Variants in DPYD observed in about 807,000 individuals in gnomAD.
DPYD encodes the protein dihydropyrimidine dehydrogenase, also known as dihydropyrimidine dehydrogenase [NADP(+)].
Under a neutral mutation model 116.2 loss-of-function variants are expected in DPYD, and 109 were observed. The observed-to-expected ratio is 0.94, with a 90% CI of 0.80 to 1.10. The LOEUF (loss-of-function observed/expected upper bound fraction) is 1.10, where lower values mean the gene tolerates loss of function less well. DPYD is among the 50% of genes least tolerant of loss of function. The pLI is 0.00. For missense variants in DPYD, 1,302 were observed against 1,254.5 expected, an observed-to-expected ratio of 1.04 and a Z score of -0.57; for synonymous variants, 440 against 432.0, an observed-to-expected ratio of 1.02 and a Z score of -0.23.
intron 16 of DPYD, among the ~76,000 whole-genome samples, chr1:97,349,236 C>G: frequency 6.6e-6 from 1 of 151,426 alleles, no homozygotes; most frequent in Admixed American, 6.6e-5. Flanking sequence ...ATAAAATAAG[C>G]TCTCAAAAAT....
chr1:97,159,610 G>C (rs985041437), intron 20 of DPYD, among the ~76,000 whole-genome samples: 32 of 151,938 alleles, frequency 2.1e-4, no homozygotes, highest in African/African-American at 6.5e-4. Flanking sequence ...GCTTAAGGTA[G>C]ATAAATAAAG....
chr1:97,920,799 G>GGGCC lies in DPYD; in HGVS notation c.39+81_39+84dup, dbSNP rs566061811. 7.1e-5 allele frequency: 109 copies of GGGCC among 1,527,184 alleles called. 1 individual carries two copies. In the South Asian group the frequency reaches 1.2e-3, roughly 17 times the overall value. 94.6% of individuals were successfully genotyped at this position (1,527,184 alleles called of 1,614,324 possible). A position where few individuals can be genotyped will look rare whatever the true frequency, so the allele number is the denominator to read the frequency against. ...GCGTCTCTCACTCTCCGGGGTGCGG[G>GGGCC]GGCCGCGGGGGCCTCCCCGGCACCT... is the stretch of plus-strand genomic sequence containing the variant. On this transcript the variant is annotated intron_variant, in intron 1 of 22. Transcript: ENST00000370192.
intron 14 of DPYD, among the ~76,000 whole-genome samples, chr1:97,398,299 G>A (rs576978427): frequency 5.7e-4 from 87 of 152,120 alleles, no homozygotes; most frequent in Non-Finnish European, 1.1e-3. Context: ...TGGCTGCATA[G>A]TATTGCATGG....
intron 7 of DPYD, among the ~76,000 whole-genome samples, chr1:97,683,054 T>G (rs1205755151): frequency 6.6e-6 from 1 of 152,002 alleles, no homozygotes; most frequent in African/African-American, 2.4e-5. Flanking sequence ...ACAACTTTTT[T>G]GTGGAGTATA....
At chr1:97,559,278 G>C (rs983812773) in intron 11 of DPYD, among the ~76,000 whole-genome samples, 1 of 151,600 alleles carries the variant, frequency 6.6e-6, no homozygotes, top group Non-Finnish European at 1.5e-5. Flanking sequence ...TGCATTTAAC[G>C]GAAAAATAAA....
chr1:97,644,658 C>A (rs1175472388), intron 8 of DPYD, among the ~76,000 whole-genome samples: 4 of 150,884 alleles, frequency 2.7e-5, no homozygotes, highest in African/African-American at 7.3e-5. Context: ...CAGGGTATCA[C>A]CACATTGGCC....
chr1:97,260,186 A>G (rs1300256437), intron 18 of DPYD, among the ~76,000 whole-genome samples: 2 of 152,154 alleles, frequency 1.3e-5, no homozygotes, highest in African/African-American at 4.8e-5. Flanking sequence ...TAAAATGGTA[A>G]TAATAGAAAT....
At chr1:97,589,086 C>A (rs1472234697) in intron 10 of DPYD, among the ~76,000 whole-genome samples, 1 of 152,162 alleles carries the variant, frequency 6.6e-6, no homozygotes, top group East Asian at 1.9e-4. Flanking sequence ...GTTTAACAAG[C>A]CCTCTAGGTG....
chr1:97,878,944 GA>G (rs1003881041), intron 2 of DPYD, among the ~76,000 whole-genome samples: 7 of 150,970 alleles, frequency 4.6e-5, no homozygotes, highest in East Asian at 3.9e-4. Context: ...GCTCATGCAA[GA>G]AAAAAAAATT....
chr1:97,428,691 A>G (rs1479768365), intron 14 of DPYD, among the ~76,000 whole-genome samples: 1 of 152,114 alleles, frequency 6.6e-6, no homozygotes, highest in African/African-American at 2.4e-5. Flanking sequence ...TTAAAAATTA[A>G]ACTTCATAAC....
intron 3 of DPYD, among the ~76,000 whole-genome samples, chr1:97,801,907 T>G (rs1360423528): frequency 1.3e-5 from 2 of 151,914 alleles, no homozygotes; most frequent in African/African-American, 4.8e-5. Flanking sequence ...ATTTATTTTA[T>G]TATTTGACTA....
At chr1:97,133,461 A>G (rs960483402) in intron 20 of DPYD, among the ~76,000 whole-genome samples, 2 of 152,192 alleles carry the variant, frequency 1.3e-5, no homozygotes, top group African/African-American at 4.8e-5. Flanking sequence ...TTGATTACCT[A>G]TAGAAGCTTG....
intron 16 of DPYD, among the ~76,000 whole-genome samples, chr1:97,317,034 C>T (rs962231168): frequency 4.0e-5 from 6 of 151,848 alleles, no homozygotes; most frequent in South Asian, 2.1e-4. Context: ...GGCCATATTT[C>T]GCAGTAATTA....
intron 14 of DPYD, among the ~76,000 whole-genome samples, chr1:97,403,540 T>G (rs1427202778): frequency 2.1e-4 from 32 of 152,070 alleles, no homozygotes; most frequent in Non-Finnish European, 1.5e-5. Flanking sequence ...TGTGTGAGTT[T>G]TGGCAGTTTC....
At chr1:97,391,048 CTTTTTT>C (rs571016808) in intron 14 of DPYD, among the ~76,000 whole-genome samples, 1 of 132,474 alleles carries the variant, frequency 7.5e-6, no homozygotes, top group Non-Finnish European at 1.6e-5. Context: ...TACTTTTCCT[CTTTTTT>C]TTTTTTTTTT....
Position 97,625,350 on chromosome 1 carries a change from GA to G in DPYD, c.851-30185del, listed in dbSNP as rs199799967. ...TCTGAACAAGAGTCTGCCTTTAAAA[GA>G]AAACACTGTTGTTTATAAGCATCTG... On this transcript the variant is annotated intron_variant, in intron 8 of 22. Transcript: ENST00000370192. Among the ~76,000 whole-genome samples the G allele has an allele frequency of 8.7e-3, 1,320 of 152,030 alleles. 21 individuals carry two copies. Among genetic ancestry groups the G allele is most frequent in the African/African-American group, 0.029 (1,221 of 41,476 alleles).
chr1:97,622,801 C>G (rs1169746755), intron 8 of DPYD, among the ~76,000 whole-genome samples: 2 of 151,944 alleles, frequency 1.3e-5, no homozygotes, highest in Admixed American at 6.6e-5. Context: ...AGTTTCTATA[C>G]AAGACTGTAT....
chr1:97,652,387 A>C (rs1658638299), intron 8 of DPYD, among the ~76,000 whole-genome samples: 1 of 152,208 alleles, frequency 6.6e-6, no homozygotes, highest in Non-Finnish European at 1.5e-5. Context: ...AAAAGGAAAT[A>C]GTTTATAAAT....
intron 3 of DPYD, among the ~76,000 whole-genome samples, chr1:97,771,899 A>G (rs186028819): frequency 1.1e-3 from 162 of 152,260 alleles, no homozygotes; most frequent in African/African-American, 3.5e-3. Context: ...ATATTATAAA[A>G]TATTATCTGC....
Sources: gnomAD v4.1 joint callset for allele counts (sites outside exome capture counted in the v4.1 genomes callset) on GRCh38, gnomAD v4.1.1 for gene constraint, MANE v1.5 for transcripts, NCBI Gene and HGNC (gene_info 2026-07-23, HGNC 2026-07-21) for gene names.